Variants in DLG2 observed in about 807,000 individuals in gnomAD.
DLG2 encodes the protein disks large homolog 2.
DLG2 carries 45 observed loss-of-function variants against 132.5 expected under a neutral mutation model. The ratio of observed to expected loss-of-function variants is 0.34; its 90% CI spans 0.27 to 0.44. The LOEUF (loss-of-function observed/expected upper bound fraction) is 0.44. DLG2 is among the 20% of genes least tolerant of loss of function. The pLI is 1.00. For missense variants in DLG2, 1,045 were observed against 1,196.9 expected, an observed-to-expected ratio of 0.87 and a Z score of 1.87; for synonymous variants, 424 against 419.6, an observed-to-expected ratio of 1.01 and a Z score of -0.13.
intron 3 of DLG2, among the ~76,000 whole-genome samples, chr11:85,554,484 T>C (rs921517060): frequency 7.9e-5 from 12 of 151,918 alleles, no homozygotes; most frequent in African/African-American, 2.9e-4. Context: ...CTCCATTTGA[T>C]TCTAACATCA....
intron 6 of DLG2, among the ~76,000 whole-genome samples, chr11:84,735,212 G>A (rs1234647697): frequency 1.3e-5 from 2 of 152,128 alleles, no homozygotes; most frequent in African/African-American, 4.8e-5. Flanking sequence ...CAGAAGGAAT[G>A]GTACCAGCTC....
At chr11:85,473,185 G>T (rs990929525) in intron 3 of DLG2, among the ~76,000 whole-genome samples, 4 of 152,244 alleles carry the variant, frequency 2.6e-5, no homozygotes, top group African/African-American at 9.6e-5. Flanking sequence ...GTGGGCCTGA[G>T]ATCTAGGCCA....
intron 21 of DLG2, among the ~76,000 whole-genome samples, chr11:83,495,464 A>G (rs995469744): frequency 6.6e-6 from 1 of 152,154 alleles, no homozygotes; most frequent in East Asian, 1.9e-4. Context: ...CTTAAGGGTC[A>G]TCTCATTTTC....
intron 7 of DLG2, among the ~76,000 whole-genome samples, chr11:84,358,146 TG>T (rs1201825827): frequency 2.6e-5 from 4 of 152,054 alleles, no homozygotes; most frequent in Non-Finnish European, 4.4e-5. Flanking sequence ...AACACATACA[TG>T]TGTGCAGGCA....
chr11:84,724,738 C>A (rs1294334160), intron 6 of DLG2, among the ~76,000 whole-genome samples: 1 of 152,078 alleles, frequency 6.6e-6, no homozygotes, highest in Non-Finnish European at 1.5e-5. Context: ...CTAAATGAAC[C>A]AACTAACAAA....
intron 7 of DLG2, among the ~76,000 whole-genome samples, chr11:84,313,715 A>T (rs1219073201): frequency 6.8e-6 from 1 of 147,036 alleles, no homozygotes; most frequent in Non-Finnish European, 1.5e-5. Flanking sequence ...AAGGAAAGGA[A>T]GAAAGAAAGA....
At chr11:83,663,591 C>G (rs543310257) in intron 18 of DLG2, among the ~76,000 whole-genome samples, 40 of 152,316 alleles carry the variant, frequency 2.6e-4, no homozygotes, top group African/African-American at 8.9e-4. Flanking sequence ...CAAGTATTAA[C>G]TGAATGAATA....
chr11:84,714,822 T>C (rs1288333508), intron 6 of DLG2, among the ~76,000 whole-genome samples: 1 of 151,968 alleles, frequency 6.6e-6, no homozygotes, highest in Non-Finnish European at 1.5e-5. Flanking sequence ...CCTAAGATAC[T>C]GTATATATGT....
intron 19 of DLG2, among the ~76,000 whole-genome samples, chr11:83,582,511 T>C (rs1195397989): frequency 6.6e-6 from 1 of 152,214 alleles, no homozygotes; most frequent in Non-Finnish European, 1.5e-5. Context: ...ATTCTCAGTA[T>C]CCTCACAAGA....
At chr11:83,969,322 C>CAT (rs958529597) in intron 12 of DLG2, among the ~76,000 whole-genome samples, 16 of 152,068 alleles carry the variant, frequency 1.1e-4, no homozygotes, top group African/African-American at 3.4e-4. Flanking sequence ...TCCGAGTTTA[C>CAT]ATATAAAAGT....
intron 7 of DLG2, among the ~76,000 whole-genome samples, chr11:84,417,962 A>T (rs2098935568): frequency 6.6e-6 from 1 of 152,202 alleles, no homozygotes; most frequent in African/African-American, 2.4e-5. Flanking sequence ...GCTAAATTAT[A>T]CACTTTACAT....
intron 6 of DLG2, among the ~76,000 whole-genome samples, chr11:84,729,917 G>A (rs183854322): frequency 4.0e-5 from 6 of 151,854 alleles, no homozygotes; most frequent in East Asian, 1.9e-4. Flanking sequence ...CAGCCTATTC[G>A]TTCTGAATCA....
intron 6 of DLG2, among the ~76,000 whole-genome samples, chr11:84,867,388 T>C (rs1455136616): frequency 6.6e-6 from 1 of 152,192 alleles, no homozygotes; most frequent in Admixed American, 6.5e-5. Flanking sequence ...ACAGTTGTTT[T>C]CGGTTCCCAC....
At chr11:84,640,473 CA>C (rs368566068) in intron 6 of DLG2, 1 of 460,350 alleles carries the variant, frequency 2.2e-6, no homozygotes, top group Non-Finnish European at 3.7e-6. Context: ...TTTGATTCAG[CA>C]AGCCACAACA....
intron 7 of DLG2, among the ~76,000 whole-genome samples, chr11:84,481,382 G>C (rs2099137217): frequency 6.6e-6 from 1 of 152,084 alleles, no homozygotes; most frequent in African/African-American, 2.4e-5. Context: ...CTCTTGCCCA[G>C]AGTTCTATCA....
At chr11:85,105,486 G>T (rs2071587016) in intron 6 of DLG2, among the ~76,000 whole-genome samples, 1 of 151,800 alleles carries the variant, frequency 6.6e-6, no homozygotes, top group African/African-American at 2.4e-5. Flanking sequence ...GAAATTAGAG[G>T]CACTCTACAG....
chr11:83,929,208 C>T (rs2079649555), intron 15 of DLG2, among the ~76,000 whole-genome samples: 1 of 152,156 alleles, frequency 6.6e-6, no homozygotes, highest in African/African-American at 2.4e-5. Context: ...GACTTCCAAA[C>T]TTATTCTTTC....
intron 6 of DLG2, among the ~76,000 whole-genome samples, chr11:84,891,747 T>C (rs2089432329): frequency 6.6e-6 from 1 of 152,182 alleles, no homozygotes; most frequent in African/African-American, 2.4e-5. Context: ...GTTTGTTCAA[T>C]CATTCACTTC....
chr11:84,626,158 G>A lies in DLG2; in HGVS notation c.358-91427C>T, dbSNP rs536802676. On this transcript the variant is annotated intron_variant, in intron 6 of 27. Coordinates refer to ENST00000376104, the MANE Select transcript of DLG2 (RefSeq NM_001142699.3). Reference sequence around the variant, plus strand: ...TGTTGCCCCTGCATTAAATAATATGGTCCTCTTTCAACAGTACTAGGAGAT... The same window carrying A: ...TGTTGCCCCTGCATTAAATAATATGATCCTCTTTCAACAGTACTAGGAGAT... Among the ~76,000 whole-genome samples, 85 of 152,226 alleles carry A rather than the reference G, an allele frequency of 5.6e-4. 1 individual carries two copies. Among genetic ancestry groups the A allele is most frequent in the Admixed American group, 2.8e-3 (43 of 15,290 alleles).
Sources: allele counts gnomAD v4.1 joint callset (sites outside exome capture counted in the v4.1 genomes callset), GRCh38; gene constraint gnomAD v4.1.1; transcripts MANE v1.5; gene names NCBI Gene and HGNC (gene_info 2026-07-23, HGNC 2026-07-21).